Variants in ZSWIM5 observed in about 807,000 individuals in gnomAD.
ZSWIM5 encodes the protein zinc finger SWIM-type containing 5, also known as zinc finger SWIM domain-containing protein 5.
In ZSWIM5, 55 loss-of-function variants were observed where a neutral mutation model predicts 119.6. That is an observed-to-expected ratio of 0.46 (90% CI 0.37 to 0.58). The LOEUF (loss-of-function observed/expected upper bound fraction) is 0.58. Among genes scored for constraint, ZSWIM5 ranks in the 20% least tolerant of loss-of-function variants. The probability of loss-of-function intolerance (pLI) is 0.00; values close to 1 mark genes in which losing one functional copy is unlikely to be tolerated. For missense variants in ZSWIM5, 1,193 were observed against 1,512.8 expected (o/e 0.79, Z 3.51); for synonymous variants, 537 against 606.9 (o/e 0.88, Z 1.69).
intron 1 of ZSWIM5, among the ~76,000 whole-genome samples, chr1:45,174,147 C>T (rs1240862247): frequency 6.6e-6 from 1 of 151,898 alleles, no homozygotes; most frequent in Non-Finnish European, 1.5e-5. Flanking sequence ...TGGTGTCATA[C>T]ACCTGTATTC....
At chr1:45,045,637 G>A (rs1020028621) in intron 5 of ZSWIM5, among the ~76,000 whole-genome samples, 2 of 152,092 alleles carry the variant, frequency 1.3e-5, no homozygotes, top group Admixed American at 1.3e-4. Context: ...CTCCTCTACT[G>A]CTGAACTGAG....
At chr1:45,053,514 T>C (rs1814166) in intron 4 of ZSWIM5, among the ~76,000 whole-genome samples, 152,174 of 152,194 alleles carry the variant, frequency 1, 76,077 homozygotes, top group Middle Eastern at 1. Flanking sequence ...GTAATCCCAG[T>C]GCTTTGGGAG....
chr1:45,024,117 G>A (rs1264527541), intron 11 of ZSWIM5, among the ~76,000 whole-genome samples: 7 of 150,820 alleles, frequency 4.6e-5, no homozygotes, highest in Non-Finnish European at 1.0e-4. Flanking sequence ...TCCTTTATCA[G>A]ATTTTTTCAA....
At position 45,160,989 on chromosome 1, in the gene ZSWIM5, A is replaced by ATTTTTTTTTTTTT. The variant is rs534599856; in HGVS notation, c.595+44754_595+44766dup. Among the ~76,000 whole-genome samples, 42 of 122,646 alleles carry ATTTTTTTTTTTTT rather than the reference A, an allele frequency of 3.4e-4. 2 individuals are homozygous for ATTTTTTTTTTTTT. The highest frequency in any genetic ancestry group is 1.1e-3 in the African/African-American group (37 of 33,110). The allele number at this position is 122,646 out of a possible 152,430, so 80.5% of individuals were successfully genotyped here. A position where few individuals can be genotyped will look rare whatever the true frequency, so the allele number is the denominator to read the frequency against. ...AGCGCCTGCCACCATGCCCGGCTAA[A>ATTTTTTTTTTTTT]TTTTTTTTTTTTTTTTTAGTAGAGA... is the stretch of plus-strand genomic sequence containing the variant. On this transcript the variant is annotated intron_variant, in intron 1 of 13. Coordinates refer to ENST00000359600, the MANE Select transcript of ZSWIM5 (RefSeq NM_020883.2).
chr1:45,107,409 C>T (rs997579799), intron 1 of ZSWIM5, among the ~76,000 whole-genome samples: 10 of 151,898 alleles, frequency 6.6e-5, no homozygotes, highest in East Asian at 3.9e-4. Flanking sequence ...GAGGCTGAGG[C>T]GGGTGGATCA....
At chr1:45,149,796 C>T (rs1438899220) in intron 1 of ZSWIM5, among the ~76,000 whole-genome samples, 1 of 152,136 alleles carries the variant, frequency 6.6e-6, no homozygotes, top group Non-Finnish European at 1.5e-5. Context: ...TAAAACAATA[C>T]TTTGTTCATT....
chr1:45,139,399 C>CCT (rs145808607), intron 1 of ZSWIM5, among the ~76,000 whole-genome samples: 55 of 143,716 alleles, frequency 3.8e-4, no homozygotes, highest in Admixed American at 7.7e-4. Context: ...CTCCTCCCTC[C>CCT]CTCTCTCTCT....
At chr1:45,141,036 CAG>C (rs1645723542) in intron 1 of ZSWIM5, among the ~76,000 whole-genome samples, 1 of 152,132 alleles carries the variant, frequency 6.6e-6, no homozygotes, top group Admixed American at 6.6e-5. Context: ...TCCTAATACT[CAG>C]AGAGAGTGTG....
intron 1 of ZSWIM5, among the ~76,000 whole-genome samples, chr1:45,169,677 A>G (rs977776554): frequency 5.9e-5 from 9 of 152,100 alleles, no homozygotes; most frequent in African/African-American, 1.9e-4. Flanking sequence ...AAACCATTCT[A>G]TCTTTGTATT....
chr1:45,021,332 C>A (rs1644886776), intron 11 of ZSWIM5, among the ~76,000 whole-genome samples: 1 of 152,190 alleles, frequency 6.6e-6, no homozygotes, highest in African/African-American at 2.4e-5. Context: ...TTCTTGAACA[C>A]CTTAATTTCC....
rs1644864402 is a variant in ZSWIM5 at position 45,017,860 on chromosome 1, A to G, written c.*594T>C. Reference sequence around the variant, plus strand: ...GTAGGTGGGGGATTCTGCATAGACTAGACTTGGGTTGATCCTAACTGGCCA... The same window carrying G: ...GTAGGTGGGGGATTCTGCATAGACTGGACTTGGGTTGATCCTAACTGGCCA... On this transcript the variant is annotated 3_prime_UTR_variant, in exon 14 of 14. Coordinates refer to ENST00000359600, the MANE Select transcript of ZSWIM5 (RefSeq NM_020883.2). 1 of 158,442 alleles carries G rather than the reference A, an allele frequency of 6.3e-6. No homozygotes were observed. The highest frequency in any genetic ancestry group is 2.4e-5 in the African/African-American group (1 of 41,454). 9.8% of individuals were successfully genotyped at this position (158,442 alleles called of 1,614,324 possible). A position where few individuals can be genotyped will look rare whatever the true frequency, so the allele number is the denominator to read the frequency against.
chr1:45,037,548 G>GTTGTTCTAGGT (rs1644992874), intron 8 of ZSWIM5, among the ~76,000 whole-genome samples: 1 of 152,212 alleles, frequency 6.6e-6, no homozygotes, highest in African/African-American at 2.4e-5. Context: ...ACCTTAAAGG[G>GTTGTTCTAGGT]ATTAGACCAT....
chr1:45,052,884 G>A (rs1005815469), intron 4 of ZSWIM5, among the ~76,000 whole-genome samples: 1 of 152,190 alleles, frequency 6.6e-6, no homozygotes, highest in Non-Finnish European at 1.5e-5. Flanking sequence ...CCCTGTGGGA[G>A]GCTGAGGTGG....
At chr1:45,027,859 T>G (rs1235008312) in intron 11 of ZSWIM5, among the ~76,000 whole-genome samples, 1 of 152,022 alleles carries the variant, frequency 6.6e-6, no homozygotes, top group Non-Finnish European at 1.5e-5. Context: ...CTCTTTTTCT[T>G]CTTTCTTTTT....
At chr1:45,042,076 C>T (rs974212890) in intron 6 of ZSWIM5, among the ~76,000 whole-genome samples, 1 of 152,130 alleles carries the variant, frequency 6.6e-6, no homozygotes, top group Admixed American at 6.5e-5. Context: ...TTTATCCATG[C>T]TGTAATGAGC....
chr1:45,089,690 T>C (rs1191178446), intron 1 of ZSWIM5, among the ~76,000 whole-genome samples: 1 of 152,144 alleles, frequency 6.6e-6, no homozygotes, highest in African/African-American at 2.4e-5. Flanking sequence ...CCCACAGACA[T>C]GCTTAGTGCG....
In ZSWIM5 at chr1:45,171,790, C is replaced by T. The variant is rs373330234; in HGVS notation, c.595+33966G>A. 2.2e-4 allele frequency among the ~76,000 whole-genome samples: 33 copies of T among 152,086 alleles called. No homozygotes were observed. In the East Asian group the frequency reaches 2.7e-3, roughly 12 times the overall value. On this transcript the variant is annotated intron_variant, in intron 1 of 13. Coordinates refer to ENST00000359600, the MANE Select transcript of ZSWIM5 (RefSeq NM_020883.2). ...TTTTTACTAATAATGAATAACTCAA[C>T]GAATACACTTTAACAGAAATTTAAC...
intron 2 of ZSWIM5, among the ~76,000 whole-genome samples, chr1:45,062,766 C>A (rs1303203226): frequency 6.6e-6 from 1 of 152,154 alleles, no homozygotes; most frequent in Non-Finnish European, 1.5e-5. Context: ...CTCAGCCTCC[C>A]AAAGTGTTAT....
chr1:45,078,320 G>A (rs1645267519), intron 2 of ZSWIM5, among the ~76,000 whole-genome samples: 1 of 152,120 alleles, frequency 6.6e-6, no homozygotes, highest in Admixed American at 6.5e-5. Context: ...GTCCTTCTTG[G>A]GAAGGCTTTC....
Sources: allele counts gnomAD v4.1 joint callset (sites outside exome capture counted in the v4.1 genomes callset), GRCh38; gene constraint gnomAD v4.1.1; transcripts MANE v1.5; gene names NCBI Gene and HGNC (gene_info 2026-07-23, HGNC 2026-07-21).